Variants in SUGCT observed in about 807,000 individuals in gnomAD.
SUGCT encodes succinyl-CoA:glutarate-CoA transferase, also known as succinyl-CoA:glutarate CoA-transferase.
SUGCT carries 41 observed loss-of-function variants against 55.0 expected under a neutral mutation model. The observed-to-expected ratio is 0.74, with a 90% CI of 0.58 to 0.97. SUGCT has a LOEUF of 0.97. Among genes scored for constraint, SUGCT ranks in the 50% least tolerant of loss-of-function variants. The pLI, the probability that SUGCT is intolerant of heterozygous loss-of-function variation, is 0.00. For synonymous variants in SUGCT, 187 were observed against 200.4 expected, an observed-to-expected ratio of 0.93 and a Z score of 0.56; for missense variants, 568 against 547.8, an observed-to-expected ratio of 1.04 and a Z score of -0.37.
intron 13 of SUGCT, among the ~76,000 whole-genome samples, chr7:40,846,064 G>A (rs6970936): frequency 0.25 from 37,185 of 151,738 alleles, 5,512 homozygotes; most frequent in East Asian, 0.79. Context: ...GGAAATTTCC[G>A]GTTTTTTCCT....
intron 13 of SUGCT, among the ~76,000 whole-genome samples, chr7:40,792,665 A>G (rs188791785): frequency 3.3e-5 from 5 of 152,154 alleles, no homozygotes; most frequent in Admixed American, 6.6e-5. Flanking sequence ...GAATGGGCCA[A>G]TCATGGGAAC....
intron 8 of SUGCT, among the ~76,000 whole-genome samples, chr7:40,281,792 T>C (rs1792966990): frequency 6.6e-6 from 1 of 151,630 alleles, no homozygotes; most frequent in Non-Finnish European, 1.5e-5. Flanking sequence ...ATACACACAG[T>C]TACAGGCAAT....
At chr7:40,772,167 T>A (rs905906273) in intron 13 of SUGCT, among the ~76,000 whole-genome samples, 2 of 152,134 alleles carry the variant, frequency 1.3e-5, no homozygotes, top group Admixed American at 1.3e-4. Context: ...TTCTTCACTT[T>A]CCACACCAAA....
intron 12 of SUGCT, among the ~76,000 whole-genome samples, chr7:40,727,494 T>C (rs761875144): frequency 1.3e-5 from 2 of 152,216 alleles, no homozygotes; most frequent in African/African-American, 4.8e-5. Context: ...CCTTCATTTA[T>C]TGACAAATGG....
intron 9 of SUGCT, among the ~76,000 whole-genome samples, chr7:40,337,694 C>A (rs1796794879): frequency 6.6e-6 from 1 of 152,142 alleles, no homozygotes; most frequent in Non-Finnish European, 1.5e-5. Context: ...GGTCTTGACT[C>A]TTTATCCAAT....
chr7:40,934,447 T>G, the SUGCT span, among the ~76,000 whole-genome samples: 1 of 152,186 alleles, frequency 6.6e-6, no homozygotes, highest in Non-Finnish European at 1.5e-5. Flanking sequence ...TCAAATGCCA[T>G]GCTTGGAGAA....
rs578130070 is a variant in SUGCT at position 40,758,941 on chromosome 7, G to T, written c.1153+9444G>T. 8.8e-4 allele frequency among the ~76,000 whole-genome samples: 134 copies of T among 152,166 alleles called. 1 individual carries two copies. The highest frequency in any genetic ancestry group is 3.1e-3 in the African/African-American group (127 of 41,496). ...AGCTCTAAATCCTGGGTTATTTCAA[G>T]AAGCCGTAAGCATTTCAAACAGTTA... On this transcript the variant is annotated intron_variant, in intron 13 of 13. Coordinates refer to ENST00000335693, the MANE Select transcript of SUGCT (RefSeq NM_001193313.2).
intron 12 of SUGCT, among the ~76,000 whole-genome samples, chr7:40,647,683 T>G (rs1036562596): frequency 6.6e-6 from 1 of 152,006 alleles, no homozygotes; most frequent in African/African-American, 2.4e-5. Context: ...AAACCCTGTC[T>G]CTATTTAAAC....
the SUGCT span, among the ~76,000 whole-genome samples, chr7:40,958,808 C>T: frequency 2.0e-5 from 3 of 152,092 alleles, no homozygotes; most frequent in Admixed American, 1.3e-4. Flanking sequence ...ATTTGTCTAC[C>T]TTTGATCTTT....
At chr7:41,034,424 G>A in the SUGCT span, among the ~76,000 whole-genome samples, 1 of 152,126 alleles carries the variant, frequency 6.6e-6, no homozygotes, top group African/African-American at 2.4e-5. Flanking sequence ...GTTTAGAGCC[G>A]AGTCTGAGCC....
At chr7:40,695,825 C>T (rs569470419) in intron 12 of SUGCT, among the ~76,000 whole-genome samples, 1 of 152,254 alleles carries the variant, frequency 6.6e-6, no homozygotes, top group South Asian at 2.1e-4. Flanking sequence ...GGAACCCCTT[C>T]ACTCTAGTTT....
At chr7:40,177,001 C>A (rs750589705) in intron 1 of SUGCT, among the ~76,000 whole-genome samples, 12 of 151,224 alleles carry the variant, frequency 7.9e-5, no homozygotes, top group Non-Finnish European at 1.6e-4. Context: ...CTTTCACTAC[C>A]ATTTGAACAA....
intron 12 of SUGCT, among the ~76,000 whole-genome samples, chr7:40,522,763 C>T (rs926020001): frequency 2.0e-5 from 3 of 151,992 alleles, no homozygotes; most frequent in Admixed American, 2.0e-4. Context: ...ACGAATAACC[C>T]ACAAATTGCA....
At chr7:40,670,578 C>T (rs1801892199) in intron 12 of SUGCT, among the ~76,000 whole-genome samples, 1 of 152,070 alleles carries the variant, frequency 6.6e-6, no homozygotes, top group Admixed American at 6.5e-5. Flanking sequence ...CATTGTCTTG[C>T]CATGTTGCTC....
intron 9 of SUGCT, among the ~76,000 whole-genome samples, chr7:40,445,165 G>T (rs1430073467): frequency 1.3e-5 from 2 of 151,982 alleles, no homozygotes; most frequent in Non-Finnish European, 2.9e-5. Flanking sequence ...AACTGAAGGA[G>T]ATAGAGACAC....
intron 12 of SUGCT, among the ~76,000 whole-genome samples, chr7:40,630,579 T>A (rs1412986569): frequency 1.3e-5 from 2 of 152,102 alleles, no homozygotes. Flanking sequence ...TCTCAGTAAA[T>A]GGAGAAGAGC....
the SUGCT span, among the ~76,000 whole-genome samples, chr7:40,942,706 G>A: frequency 4.0e-5 from 6 of 151,078 alleles, no homozygotes; most frequent in South Asian, 1.2e-3. Flanking sequence ...TCATTCTTTG[G>A]TTTGGATAAT....
At chr7:40,829,919 T>C (rs1423283841) in intron 13 of SUGCT, among the ~76,000 whole-genome samples, 9 of 152,162 alleles carry the variant, frequency 5.9e-5, no homozygotes, top group Admixed American at 2.0e-4. Flanking sequence ...CAATCCAAAA[T>C]AGAATGCTGA....
chr7:40,373,339 A>G (rs1784388142), intron 9 of SUGCT, among the ~76,000 whole-genome samples: 1 of 152,118 alleles, frequency 6.6e-6, no homozygotes, highest in African/African-American at 2.4e-5. Context: ...TAGAAAATTT[A>G]GAATCTATAG....
Sources: gnomAD v4.1 joint callset for allele counts (sites outside exome capture counted in the v4.1 genomes callset) on GRCh38, gnomAD v4.1.1 for gene constraint, MANE v1.5 for transcripts, NCBI Gene and HGNC (gene_info 2026-07-23, HGNC 2026-07-21) for gene names.